COL25A1: variants seen among roughly 807,000 people sequenced by gnomAD.
COL25A1 encodes the protein collagen type XXV alpha 1 chain, also known as collagen alpha-1(XXV) chain.
COL25A1 carries 103 observed loss-of-function variants against 128.4 expected under a neutral mutation model. The observed-to-expected ratio is 0.80, with a 90% CI of 0.68 to 0.94. The LOEUF is 0.94. COL25A1 is among the 40% of genes least tolerant of loss of function. The pLI, the probability that COL25A1 is intolerant of heterozygous loss-of-function variation, is 0.00. For missense variants in COL25A1, 745 were observed against 840.0 expected (o/e 0.89, Z 1.40); for synonymous variants, 279 against 277.2 (o/e 1.01, Z -0.06).
At chr4:108,884,832 A>G (rs1740587783) in intron 18 of COL25A1, among the ~76,000 whole-genome samples, 1 of 152,224 alleles carries the variant, frequency 6.6e-6, no homozygotes, top group African/African-American at 2.4e-5. Flanking sequence ...CTTAGGGCTA[A>G]TGGTACTATG....
chr4:109,157,053 C>T (rs1180817388), intron 3 of COL25A1, among the ~76,000 whole-genome samples: 1 of 152,190 alleles, frequency 6.6e-6, no homozygotes, highest in African/African-American at 2.4e-5. Flanking sequence ...AGGGCAATGT[C>T]ATACACCTAC....
chr4:108,953,291 C>T (rs543429078), intron 8 of COL25A1, among the ~76,000 whole-genome samples: 2 of 152,268 alleles, frequency 1.3e-5, no homozygotes, highest in Non-Finnish European at 2.9e-5. Flanking sequence ...TATTCTCCAA[C>T]ATCCTCCTTT....
At chr4:109,052,951 T>C (rs1761123897) in intron 3 of COL25A1, among the ~76,000 whole-genome samples, 1 of 152,170 alleles carries the variant, frequency 6.6e-6, no homozygotes, top group African/African-American at 2.4e-5. Flanking sequence ...ATGGCTCTCA[T>C]TCACTAAACT....
At chr4:109,019,679 C>T in intron 5 of COL25A1, among the ~76,000 whole-genome samples, 1 of 152,072 alleles carries the variant, frequency 6.6e-6, no homozygotes, top group East Asian at 1.9e-4. Flanking sequence ...GCAGTTACCT[C>T]TCACCTGGTC....
chr4:109,197,370 AAT>A (rs1341836082), intron 3 of COL25A1, among the ~76,000 whole-genome samples: 5 of 129,284 alleles, frequency 3.9e-5, no homozygotes, highest in East Asian at 4.0e-4. Context: ...AAAAATATAT[AAT>A]ATATATAATA....
chr4:108,835,593 TG>T (rs1733681672), intron 31 of COL25A1, among the ~76,000 whole-genome samples: 1 of 152,150 alleles, frequency 6.6e-6, no homozygotes, highest in Admixed American at 6.6e-5. Flanking sequence ...TCACCCTTGT[TG>T]CCCAGGCTGA....
In COL25A1 at chr4:109,217,639, G is replaced by C. The variant is rs141201095; in HGVS notation, c.367+82944C>G. Among the ~76,000 whole-genome samples, 157 of 152,106 alleles carry C rather than the reference G, an allele frequency of 1.0e-3. 2 individuals are homozygous for C. The South Asian group carries it at 0.025, about 24-fold the overall frequency. On this transcript the variant is annotated intron_variant, in intron 3 of 37. Transcript: ENST00000399132. ...AAATCATTTCTCAGTAAGTGTGAGG[G>C]ATTGGTTCCACAACCTCCCGAGGAT...
intron 3 of COL25A1, among the ~76,000 whole-genome samples, chr4:109,100,497 A>T (rs1765798149): frequency 6.6e-6 from 1 of 151,742 alleles, no homozygotes; most frequent in South Asian, 2.1e-4. Flanking sequence ...TGACTGAAAT[A>T]AGGAGAATTC....
At chr4:109,050,331 T>C (rs922916749) in intron 3 of COL25A1, 152 bp from the exon 4 acceptor site, 2 of 573,288 alleles carry the variant, frequency 3.5e-6, no homozygotes, top group Non-Finnish European at 6.1e-6. Flanking sequence ...GTATTGTCTT[T>C]AGTGTTTCAG....
At chr4:109,060,803 T>A (rs1035911014) in intron 3 of COL25A1, among the ~76,000 whole-genome samples, 1 of 152,084 alleles carries the variant, frequency 6.6e-6, no homozygotes, top group South Asian at 2.1e-4. Context: ...ATCAAGGCAA[T>A]TTTTTAGTCC....
intron 3 of COL25A1, among the ~76,000 whole-genome samples, chr4:109,210,451 A>T (rs1466772475): frequency 6.6e-6 from 1 of 152,210 alleles, no homozygotes; most frequent in Non-Finnish European, 1.5e-5. Context: ...ACACTGCAGA[A>T]TGCAGTCTAC....
At chr4:108,917,950 C>T (rs1745057065) in intron 13 of COL25A1, among the ~76,000 whole-genome samples, 1 of 152,074 alleles carries the variant, frequency 6.6e-6, no homozygotes, top group African/African-American at 2.4e-5. Context: ...AGCAACACAT[C>T]CAAAATACTT....
intron 3 of COL25A1, among the ~76,000 whole-genome samples, chr4:109,121,738 CT>C: frequency 6.6e-6 from 1 of 152,214 alleles, no homozygotes; most frequent in Admixed American, 6.6e-5. Flanking sequence ...ATGAAACATA[CT>C]CTTACCACAT....
At chr4:109,044,130 A>AAT (rs1760196528) in intron 5 of COL25A1, among the ~76,000 whole-genome samples, 2 of 151,294 alleles carry the variant, frequency 1.3e-5, no homozygotes, top group South Asian at 4.2e-4. Flanking sequence ...TATGTATATA[A>AAT]ATATATATAT....
At chr4:108,976,944 A>G (rs1453247132) in intron 6 of COL25A1, among the ~76,000 whole-genome samples, 1 of 152,248 alleles carries the variant, frequency 6.6e-6, no homozygotes, top group African/African-American at 2.4e-5. Flanking sequence ...GATAAGTATT[A>G]TGATAATCCT....
At chr4:108,992,572 T>C (rs1330252008) in intron 6 of COL25A1, among the ~76,000 whole-genome samples, 2 of 152,222 alleles carry the variant, frequency 1.3e-5, no homozygotes, top group African/African-American at 4.8e-5. Context: ...AATAAATTGT[T>C]ACAAAATAAA....
chr4:108,881,091 A>T (rs773723345), intron 19 of COL25A1, among the ~76,000 whole-genome samples: 5 of 152,186 alleles, frequency 3.3e-5, no homozygotes, highest in Admixed American at 6.5e-5. Flanking sequence ...GGAATTCCAA[A>T]TGTCTTCCAT....
At chr4:108,841,851 G>A (rs925680244) in intron 30 of COL25A1, 130 bp from the exon 31 acceptor site, 45 of 726,418 alleles carry the variant, frequency 6.2e-5, no homozygotes, top group Non-Finnish European at 8.4e-5. Flanking sequence ...GTAGAGGCAG[G>A]CTAGTGGATG....
intron 3 of COL25A1, among the ~76,000 whole-genome samples, chr4:109,196,693 G>C (rs933952057): frequency 6.6e-6 from 1 of 152,170 alleles, no homozygotes. Flanking sequence ...AGTAAGAACA[G>C]AGACTGTACT....
Sources: allele counts gnomAD v4.1 joint callset (sites outside exome capture counted in the v4.1 genomes callset), GRCh38; gene constraint gnomAD v4.1.1; transcripts MANE v1.5; gene names NCBI Gene and HGNC (gene_info 2026-07-23, HGNC 2026-07-21).